Variants in LDLRAD4 observed in about 807,000 individuals in gnomAD.
LDLRAD4 encodes the protein low density lipoprotein receptor class A domain containing 4, also known as low-density lipoprotein receptor class A domain-containing protein 4.
A neutral mutation model predicts 17.0 loss-of-function variants in LDLRAD4; 5 were observed. The ratio of observed to expected loss-of-function variants is 0.29; its 90% CI spans 0.15 to 0.62. The LOEUF is 0.62. Ranked by LOEUF, LDLRAD4 falls within the 20% of genes least tolerant of loss-of-function variation. LDLRAD4 has a pLI of 0.84. For missense variants in LDLRAD4, 340 were observed against 424.7 expected (o/e 0.80, Z 1.75); for synonymous variants, 168 against 171.8 (o/e 0.98, Z 0.17).
chr18:13,612,368 T>A, intron 3 of LDLRAD4: 1 of 1,163,488 alleles, frequency 8.6e-7, no homozygotes, highest in African/African-American at 1.6e-5. Context: ...GACCCCGGAC[T>A]TATTCTCTGC....
intron 3 of LDLRAD4, among the ~76,000 whole-genome samples, chr18:13,548,976 G>A (rs1462671639): frequency 6.6e-6 from 1 of 152,202 alleles, no homozygotes; most frequent in Admixed American, 6.5e-5. Context: ...TATTTCATGA[G>A]TCCTAAAGCA....
rs555822298 is a variant in LDLRAD4 at position 13,408,919 on chromosome 18, G to A, written c.40+21157G>A. The stretch of plus-strand genomic sequence containing the variant: ...TTTGTAAATCCCATACAGTGAATAT[G>A]GGTTACTTTTTAAGCAATGGAAATA... On this transcript the variant is annotated intron_variant, in intron 2 of 5. Transcript: ENST00000359446. Among the ~76,000 whole-genome samples, 23 of 151,916 alleles carry A rather than the reference G, an allele frequency of 1.5e-4. No homozygotes were observed. The South Asian group carries it at 4.6e-3, about 30-fold the overall frequency.
intron 3 of LDLRAD4, among the ~76,000 whole-genome samples, chr18:13,576,343 A>G (rs2148396852): frequency 6.6e-6 from 1 of 150,974 alleles, no homozygotes; most frequent in African/African-American, 2.4e-5. Flanking sequence ...AATAGCGTGA[A>G]CCTGGGAGGT....
chr18:13,341,942 C>T (rs1476340600), intron 1 of LDLRAD4, among the ~76,000 whole-genome samples: 2 of 151,978 alleles, frequency 1.3e-5, no homozygotes, highest in African/African-American at 2.4e-5. Context: ...TTTAAAAAAT[C>T]ATGAATGGTG....
chr18:13,262,389 C>T (rs2043908405), intron 1 of LDLRAD4, among the ~76,000 whole-genome samples: 1 of 136,386 alleles, frequency 7.3e-6, no homozygotes, highest in African/African-American at 2.9e-5. Flanking sequence ...GAAACTGAGT[C>T]CCGTGTGGCT....
chr18:13,513,792 GCAC>G (rs2093819951), intron 3 of LDLRAD4, among the ~76,000 whole-genome samples: 1 of 152,182 alleles, frequency 6.6e-6, no homozygotes, highest in South Asian at 2.1e-4. Context: ...TCCTACCCTG[GCAC>G]ACTTAGCCTG....
intron 1 of LDLRAD4, among the ~76,000 whole-genome samples, chr18:13,361,894 C>T (rs1350384170): frequency 6.6e-6 from 1 of 152,004 alleles, no homozygotes; most frequent in African/African-American, 2.4e-5. Flanking sequence ...TGGGGTTTGA[C>T]ACAGAAGGCA....
intron 3 of LDLRAD4, among the ~76,000 whole-genome samples, chr18:13,528,718 T>G (rs1415806860): frequency 6.6e-6 from 1 of 152,234 alleles, no homozygotes; most frequent in East Asian, 1.9e-4. Flanking sequence ...AATAGTTTGC[T>G]CTTCTACAAC....
At chr18:13,248,373 A>G (rs776874307) in intron 1 of LDLRAD4, among the ~76,000 whole-genome samples, 1 of 152,246 alleles carries the variant, frequency 6.6e-6, no homozygotes, top group African/African-American at 2.4e-5. Context: ...CCCAGGGTCC[A>G]GTGTCACCTC....
chr18:13,475,171 T>C (rs1173101236), intron 3 of LDLRAD4, among the ~76,000 whole-genome samples: 3 of 152,240 alleles, frequency 2.0e-5, no homozygotes, highest in Non-Finnish European at 4.4e-5. Context: ...CTTGGCACTT[T>C]CCTCACTAGA....
chr18:13,643,446 G>T (rs774254919), intron 5 of LDLRAD4, 34 bp downstream of exon 6: 5 of 670,878 alleles, frequency 7.5e-6, no homozygotes, highest in Non-Finnish European at 8.7e-6. Context: ...GCTGCGGGGG[G>T]CGGGGGGGGT....
At chr18:13,578,553 A>C (rs2094806815) in intron 3 of LDLRAD4, among the ~76,000 whole-genome samples, 1 of 152,190 alleles carries the variant, frequency 6.6e-6, no homozygotes, top group African/African-American at 2.4e-5. Context: ...GGAAAGAAGA[A>C]ACACATAGAA....
chr18:13,525,197 T>G (rs2094011167), intron 3 of LDLRAD4, among the ~76,000 whole-genome samples: 1 of 152,208 alleles, frequency 6.6e-6, no homozygotes, highest in African/African-American at 2.4e-5. Context: ...GTCCCACATC[T>G]GATTATTTTG....
At chr18:13,469,414 C>A (rs529691485) in intron 3 of LDLRAD4, among the ~76,000 whole-genome samples, 5 of 152,086 alleles carry the variant, frequency 3.3e-5, no homozygotes, top group Admixed American at 6.5e-5. Context: ...AAACAAGGAC[C>A]GGAACAGATA....
intron 1 of LDLRAD4, among the ~76,000 whole-genome samples, chr18:13,309,454 T>C (rs1018437631): frequency 6.6e-6 from 1 of 152,236 alleles, no homozygotes; most frequent in Non-Finnish European, 1.5e-5. Flanking sequence ...CTGTTACGTT[T>C]ATTACTTACA....
At chr18:13,602,139 T>C (rs2095170415) in intron 3 of LDLRAD4, among the ~76,000 whole-genome samples, 2 of 152,008 alleles carry the variant, frequency 1.3e-5, no homozygotes, top group South Asian at 4.2e-4. Flanking sequence ...ATGGGAACAA[T>C]AGAAACTGGG....
At chr18:13,552,206 G>A (rs910603010) in intron 3 of LDLRAD4, among the ~76,000 whole-genome samples, 1 of 152,198 alleles carries the variant, frequency 6.6e-6, no homozygotes, top group Non-Finnish European at 1.5e-5. Flanking sequence ...ACCTAGGCCT[G>A]CAGCTCCCAG....
intron 3 of LDLRAD4, among the ~76,000 whole-genome samples, chr18:13,566,175 C>T (rs1249219735): frequency 6.6e-6 from 1 of 152,044 alleles, no homozygotes; most frequent in Non-Finnish European, 1.5e-5. Flanking sequence ...TAACGGGCAG[C>T]CAATGAGACC....
chr18:13,642,399 T>G (rs1021129877), intron 4 of LDLRAD4: 98 of 1,080,538 alleles, frequency 9.1e-5, no homozygotes, highest in Non-Finnish European at 1.1e-4. Flanking sequence ...CCACGCGTAC[T>G]TTTTTTCCCA....
Sources: allele counts gnomAD v4.1 joint callset (sites outside exome capture counted in the v4.1 genomes callset), GRCh38; gene constraint gnomAD v4.1.1; transcripts MANE v1.5; gene names NCBI Gene and HGNC (gene_info 2026-07-23, HGNC 2026-07-21).